The following THSD4 variants were observed in gnomAD, a reference collection of about 807,000 sequenced individuals.
THSD4 encodes thrombospondin type 1 domain containing 4.
THSD4 carries 69 observed loss-of-function variants against 119.0 expected under a neutral mutation model. That is an observed-to-expected ratio of 0.58 (90% CI 0.48 to 0.71). The LOEUF (loss-of-function observed/expected upper bound fraction) is 0.71. THSD4 is among the 30% of genes least tolerant of loss of function. THSD4 has a pLI of 0.00. For synonymous variants in THSD4, 524 were observed against 540.4 expected, an observed-to-expected ratio of 0.97 and a Z score of 0.42; for missense variants, 1,393 against 1,391.1, an observed-to-expected ratio of 1.00 and a Z score of -0.02.
At chr15:71,514,535 G>C (rs1408560133) in intron 7 of THSD4, among the ~76,000 whole-genome samples, 1 of 152,130 alleles carries the variant, frequency 6.6e-6, no homozygotes, top group Non-Finnish European at 1.5e-5. Flanking sequence ...TCAACATAAT[G>C]TTTCTGAGAT....
chr15:71,510,969 G>A (rs1411954390), intron 7 of THSD4, among the ~76,000 whole-genome samples: 3 of 152,172 alleles, frequency 2.0e-5, no homozygotes, highest in East Asian at 1.9e-4. Context: ...ATGACCTCAC[G>A]TTTGGCGGTG....
chr15:71,558,496 T>G (rs1301212699), intron 7 of THSD4, among the ~76,000 whole-genome samples: 1 of 152,214 alleles, frequency 6.6e-6, no homozygotes, highest in Admixed American at 6.5e-5. Flanking sequence ...TTTTTTGTTT[T>G]GTTTTAAGAC....
At chr15:71,169,304 A>G (rs2043328814) in intron 3 of THSD4, among the ~76,000 whole-genome samples, 1 of 152,224 alleles carries the variant, frequency 6.6e-6, no homozygotes, top group Admixed American at 6.5e-5. Flanking sequence ...ATAGGAAGCA[A>G]TTGGAACTTT....
chr15:71,590,484 C>T lies in THSD4; in HGVS notation c.1153-70046C>T, dbSNP rs965628940. 3.2e-5 allele frequency among the ~76,000 whole-genome samples: 4 copies of T among 125,038 alleles called. No individual in the cohort carries two copies. In the East Asian group the frequency reaches 9.4e-4, roughly 29 times the overall value. 82.0% of individuals were successfully genotyped at this position (125,038 alleles called of 152,430 possible). Reference sequence around the variant, plus strand: ...CAGAAAACCAAATACTGCATGTTCTCACTTATAAGTGGGACCTGAATGATG... The same window carrying T: ...CAGAAAACCAAATACTGCATGTTCTTACTTATAAGTGGGACCTGAATGATG... On this transcript the variant is annotated intron_variant, in intron 7 of 17. Coordinates refer to ENST00000261862, the MANE Select transcript of THSD4 (RefSeq NM_024817.3).
Position 71,256,634 on chromosome 15 carries a change from A to C in THSD4, c.934A>C (p.Ser312Arg). The part of the protein sequence containing the change: ...NTNVCPESSR[S>R]IREVQCASYN... The stretch of plus-strand genomic sequence containing the variant: ...TTAGGTATGTCCAGAAAGCAGTAGA[A>C]GTATCCGGGAGGTACAGTGTGCATC... Residue 312 changes from serine (S) to arginine (R), a missense_variant, in exon 6 of 18, where the codon AGT becomes CGT. By Grantham distance (110) the Ser-to-Arg change is moderately radical. Transcript: ENST00000261862. The C allele has an allele frequency of 6.2e-7, 1 of 1,614,060 alleles. No homozygotes were observed. Among genetic ancestry groups the C allele is most frequent in the Non-Finnish European group, 8.5e-7 (1 of 1,179,972 alleles).
At chr15:71,130,985 C>G (rs1231264211) in intron 1 of THSD4, among the ~76,000 whole-genome samples, 3 of 150,810 alleles carry the variant, frequency 2.0e-5, no homozygotes, top group African/African-American at 7.4e-5. Flanking sequence ...ACCTCGTGAT[C>G]CGCCTGCCTT....
At chr15:71,330,087 GAAA>G (rs58866556) in intron 6 of THSD4, among the ~76,000 whole-genome samples, 1 of 130,832 alleles carries the variant, frequency 7.6e-6, no homozygotes. Context: ...GTCTCCAAAG[GAAA>G]AAAAAAAAAA....
chr15:71,343,236 A>G (rs1369846549), intron 6 of THSD4, among the ~76,000 whole-genome samples: 5 of 152,146 alleles, frequency 3.3e-5, no homozygotes, highest in Non-Finnish European at 7.4e-5. Context: ...AGGTAGGTAG[A>G]TAGATGGATA....
intron 7 of THSD4, among the ~76,000 whole-genome samples, chr15:71,643,778 C>T (rs774040635): frequency 1.3e-5 from 2 of 152,214 alleles, no homozygotes; most frequent in African/African-American, 4.8e-5. Context: ...GATGCCTTAG[C>T]GTTTACTTTA....
At chr15:71,561,442 A>G (rs988584709) in intron 7 of THSD4, among the ~76,000 whole-genome samples, 2 of 152,208 alleles carry the variant, frequency 1.3e-5, no homozygotes, top group African/African-American at 4.8e-5. Context: ...GATTCTTTAT[A>G]TAGACTAAGG....
intron 4 of THSD4, among the ~76,000 whole-genome samples, chr15:71,221,387 T>C (rs955603260): frequency 6.6e-5 from 10 of 152,202 alleles, no homozygotes; most frequent in African/African-American, 2.4e-4. Flanking sequence ...CACAGAACTC[T>C]TTTTATCTTT....
At chr15:71,427,711 A>T (rs545935045) in intron 7 of THSD4, among the ~76,000 whole-genome samples, 1 of 151,242 alleles carries the variant, frequency 6.6e-6, no homozygotes, top group South Asian at 2.1e-4. Flanking sequence ...TGCCATTCTT[A>T]GTTCCTCCAA....
rs534311380 is a variant in THSD4 at position 71,443,073 on chromosome 15, AAG to A, written c.1152+31253_1152+31254del. Among the ~76,000 whole-genome samples, 3 of 152,254 alleles carry A rather than the reference AAG, an allele frequency of 2.0e-5. No homozygotes were observed. The South Asian group carries it at 6.2e-4, about 32-fold the overall frequency. ...TAAAAATACAAGAGAAAGGGGGAGA[AAG>A]AGGGGAGCAGAGAGACAGTGAAACA... On this transcript the variant is annotated intron_variant, in intron 7 of 17. Coordinates refer to ENST00000261862, the MANE Select transcript of THSD4 (RefSeq NM_024817.3).
At chr15:71,422,141 A>G (rs141562967) in intron 7 of THSD4, among the ~76,000 whole-genome samples, 1,945 of 152,184 alleles carry the variant, frequency 0.013, 34 homozygotes, top group African/African-American at 0.043. Context: ...TTGTTTTTTC[A>G]GGATTGGTCC....
At chr15:71,440,481 T>C (rs1208469077) in intron 7 of THSD4, among the ~76,000 whole-genome samples, 1 of 152,206 alleles carries the variant, frequency 6.6e-6, no homozygotes, top group Admixed American at 6.5e-5. Flanking sequence ...TAGGGAAAGA[T>C]AAACTCTTTC....
At chr15:71,403,369 A>G (rs1016298148) in intron 6 of THSD4, among the ~76,000 whole-genome samples, 2 of 152,226 alleles carry the variant, frequency 1.3e-5, no homozygotes, top group Non-Finnish European at 2.9e-5. Context: ...CTCAAAAATT[A>G]TAAGGCATTA....
chr15:71,527,104 G>A (rs964554816), intron 7 of THSD4, among the ~76,000 whole-genome samples: 2 of 152,014 alleles, frequency 1.3e-5, no homozygotes, highest in Admixed American at 6.6e-5. Flanking sequence ...GCCTTCACCC[G>A]GGGTTCAGCC....
At chr15:71,735,704 C>A (rs371578959) in intron 10 of THSD4, among the ~76,000 whole-genome samples, 3 of 151,312 alleles carry the variant, frequency 2.0e-5, no homozygotes, top group African/African-American at 7.3e-5. Flanking sequence ...GTCTCTGTCT[C>A]TCTTGCTCTC....
chr15:71,619,800 T>TC (rs1329976654), intron 7 of THSD4, among the ~76,000 whole-genome samples: 1 of 152,120 alleles, frequency 6.6e-6, no homozygotes, highest in Non-Finnish European at 1.5e-5. Flanking sequence ...TGGAGGGAGG[T>TC]CTGTCTGACA....
Sources: allele counts gnomAD v4.1 joint callset (sites outside exome capture counted in the v4.1 genomes callset), GRCh38; gene constraint gnomAD v4.1.1; transcripts MANE v1.5; gene names NCBI Gene and HGNC (gene_info 2026-07-23, HGNC 2026-07-21).